ZBTB20: variants seen among roughly 807,000 people sequenced by gnomAD.
The protein encoded by ZBTB20 is zinc finger and BTB domain containing 20.
A neutral mutation model predicts 56.9 loss-of-function variants in ZBTB20; 9 were observed. The observed-to-expected ratio is 0.16, with a 90% CI of 0.10 to 0.28. The LOEUF (loss-of-function observed/expected upper bound fraction) is 0.28, where lower values mean the gene tolerates loss of function less well. Among genes scored for constraint, ZBTB20 ranks in the 10% least tolerant of loss-of-function variants. The pLI, the probability that ZBTB20 is intolerant of heterozygous loss-of-function variation, is 1.00. For synonymous variants in ZBTB20, 417 were observed against 420.7 expected, an observed-to-expected ratio of 0.99 and a Z score of 0.11; for missense variants, 655 against 1,003.0, an observed-to-expected ratio of 0.65 and a Z score of 4.69.
At position 114,532,834 on chromosome 3, in the gene ZBTB20, T is replaced by C. The variant is rs148051673; in HGVS notation, c.-294-32443A>G. 9.7e-3 allele frequency among the ~76,000 whole-genome samples: 1,484 copies of C among 152,270 alleles called. 21 individuals carry two copies. Among genetic ancestry groups the C allele is most frequent in the African/African-American group, 0.033 (1,374 of 41,552 alleles). ...GCTGTTCTGTAGCCTCTGCTGGTGG[T>C]ACCCAGGCAAACAGGGTCTGGAGTG... On this transcript the variant is annotated intron_variant, in intron 6 of 11. Transcript: ENST00000675478.
intron 2 of ZBTB20, among the ~76,000 whole-genome samples, chr3:115,016,092 T>TGTC (rs2079943156): frequency 6.6e-6 from 1 of 151,944 alleles, no homozygotes; most frequent in Non-Finnish European, 1.5e-5. Context: ...TTTTTTCACG[T>TGTC]TTGTTGGCTG....
intron 7 of ZBTB20, among the ~76,000 whole-genome samples, chr3:114,477,613 A>G (rs1391679212): frequency 6.8e-6 from 1 of 147,490 alleles, no homozygotes; most frequent in Non-Finnish European, 1.5e-5. Flanking sequence ...CTCCTGCCTC[A>G]GCCTCCCGAG....
intron 5 of ZBTB20, among the ~76,000 whole-genome samples, chr3:114,777,641 T>C (rs2069706169): frequency 6.6e-6 from 1 of 152,170 alleles, no homozygotes; most frequent in East Asian, 1.9e-4. Context: ...TTTTACACTG[T>C]TGGTGGGACT....
intron 2 of ZBTB20, among the ~76,000 whole-genome samples, chr3:114,980,303 A>T (rs1450154436): frequency 6.6e-6 from 1 of 152,050 alleles, no homozygotes; most frequent in Non-Finnish European, 1.5e-5. Flanking sequence ...ATTAACAGGT[A>T]AACACAATGA....
At chr3:114,427,558 C>CGGAA in intron 7 of ZBTB20, among the ~76,000 whole-genome samples, 1 of 152,152 alleles carries the variant, frequency 6.6e-6, no homozygotes, top group Admixed American at 6.5e-5. Flanking sequence ...CAATGCAGAC[C>CGGAA]GAAGAGGAGA....
chr3:114,678,573 G>A (rs182429453), intron 6 of ZBTB20, among the ~76,000 whole-genome samples: 65 of 152,240 alleles, frequency 4.3e-4, no homozygotes, highest in African/African-American at 1.3e-3. Flanking sequence ...TGTATACGTC[G>A]CAGAATCACT....
chr3:115,019,039 T>G (rs1434187738), intron 2 of ZBTB20, among the ~76,000 whole-genome samples: 2 of 151,340 alleles, frequency 1.3e-5, no homozygotes, highest in South Asian at 4.1e-4. Context: ...GATTTTTTTG[T>G]CCTTTGTACC....
At chr3:114,401,261 T>C (rs2086802262) in intron 7 of ZBTB20, among the ~76,000 whole-genome samples, 1 of 152,150 alleles carries the variant, frequency 6.6e-6, no homozygotes, top group African/African-American at 2.4e-5. Context: ...TATACTTAGC[T>C]GAGCTAGTTT....
At chr3:114,913,872 G>A (rs1192968018) in intron 3 of ZBTB20, among the ~76,000 whole-genome samples, 1 of 151,874 alleles carries the variant, frequency 6.6e-6, no homozygotes, top group Non-Finnish European at 1.5e-5. Flanking sequence ...TGCCACCTGT[G>A]TTGAAAATGA....
rs953913377 is a variant in ZBTB20 at position 114,337,557 on chromosome 3, G to A, written c.*1448C>T. On this transcript the variant is annotated 3_prime_UTR_variant, in exon 12 of 12. Transcript: ENST00000675478. ...AATCAGTTGAAAAAATTATTCAGTG[G>A]GGCAACTTAAGCTTGCTAAAGTCAA... is the stretch of plus-strand genomic sequence containing the variant. 1.3e-5 allele frequency: 2 copies of A among 151,986 alleles called. No individual in the cohort carries two copies. The highest frequency in any genetic ancestry group is 2.9e-5 in the Non-Finnish European group (2 of 67,988). 9.4% of individuals were successfully genotyped at this position (151,986 alleles called of 1,614,324 possible).
chr3:114,947,230 C>T (rs2076916209), intron 3 of ZBTB20, among the ~76,000 whole-genome samples: 1 of 146,036 alleles, frequency 6.8e-6, no homozygotes, highest in South Asian at 2.1e-4. Context: ...TTACTACAAT[C>T]ACTATAGAAA....
chr3:114,840,534 T>C (rs1314201551), intron 4 of ZBTB20, among the ~76,000 whole-genome samples: 1 of 152,210 alleles, frequency 6.6e-6, no homozygotes, highest in Admixed American at 6.5e-5. Context: ...TAGTTTCTAA[T>C]AGAGAAATAA....
chr3:114,477,654 C>T (rs1258139552), intron 7 of ZBTB20, among the ~76,000 whole-genome samples: 3 of 151,822 alleles, frequency 2.0e-5, no homozygotes, highest in African/African-American at 7.3e-5. Flanking sequence ...CAACACCACG[C>T]CTGGCTAATT....
At chr3:114,810,960 T>G (rs932961481) in intron 4 of ZBTB20, among the ~76,000 whole-genome samples, 1 of 152,104 alleles carries the variant, frequency 6.6e-6, no homozygotes, top group Non-Finnish European at 1.5e-5. Flanking sequence ...GATATAGGGA[T>G]AAGGTTACCA....
At chr3:114,462,023 AAAT>A (rs2092354734) in intron 7 of ZBTB20, among the ~76,000 whole-genome samples, 1 of 152,168 alleles carries the variant, frequency 6.6e-6, no homozygotes, top group Non-Finnish European at 1.5e-5. Flanking sequence ...TGTAAGATGG[AAAT>A]AATAATAATT....
chr3:114,746,754 G>A (rs1019908055), intron 5 of ZBTB20, among the ~76,000 whole-genome samples: 15 of 152,188 alleles, frequency 9.9e-5, no homozygotes, highest in African/African-American at 3.6e-4. Flanking sequence ...GAGAAACACA[G>A]TCAGGAATAT....
intron 6 of ZBTB20, among the ~76,000 whole-genome samples, chr3:114,591,462 T>C (rs943948834): frequency 4.6e-5 from 7 of 152,182 alleles, no homozygotes; most frequent in African/African-American, 1.7e-4. Context: ...ATGAAAAATA[T>C]AAGACTTATA....
rs2079502152 is a variant in ZBTB20 at position 114,337,572 on chromosome 3, G to A, written c.*1433C>T. On this transcript the variant is annotated 3_prime_UTR_variant, in exon 12 of 12. Coordinates refer to ENST00000675478, the MANE Select transcript of ZBTB20 (RefSeq NM_001348800.3). ...TTATTCAGTGGGGCAACTTAAGCTT[G>A]CTAAAGTCAAAGAACTACATATCAA... 1 of 152,130 alleles carries A rather than the reference G, an allele frequency of 6.6e-6. No individual in the cohort carries two copies. Among genetic ancestry groups the A allele is most frequent in the African/African-American group, 2.4e-5 (1 of 41,440 alleles). 9.4% of individuals were successfully genotyped at this position (152,130 alleles called of 1,614,324 possible).
rs896363063 is a variant in ZBTB20, at chr3:114,388,997, G to A, written c.-154+8C>T. 1.3e-5 allele frequency: 2 copies of A among 152,152 alleles called. No homozygotes were observed. Among genetic ancestry groups the A allele is most frequent in the Non-Finnish European group, 2.9e-5 (2 of 68,036 alleles). The allele number at this position is 152,152 out of a possible 1,614,324, so 9.4% of individuals were successfully genotyped here. A position where few individuals can be genotyped will look rare whatever the true frequency, so the allele number is the denominator to read the frequency against. On this transcript the variant is annotated splice_region_variant and intron_variant, in intron 8 of 11. Coordinates refer to ENST00000675478, the MANE Select transcript of ZBTB20 (RefSeq NM_001348800.3). ...AGAAGCCTTTTATTGGAGACATAAT[G>A]TACTCACAGTAGTTTCAAAATCAAT...
Sources: gnomAD v4.1 joint callset for allele counts (sites outside exome capture counted in the v4.1 genomes callset) on GRCh38, gnomAD v4.1.1 for gene constraint, MANE v1.5 for transcripts, NCBI Gene and HGNC (gene_info 2026-07-23, HGNC 2026-07-21) for gene names.